KIF6: variants seen among roughly 807,000 people sequenced by gnomAD.
The protein encoded by KIF6 is kinesin-like protein KIF6.
A neutral mutation model predicts 112.7 loss-of-function variants in KIF6; 106 were observed. The ratio of observed to expected loss-of-function variants is 0.94; its 90% CI spans 0.80 to 1.11. KIF6 has a LOEUF of 1.11. KIF6 is among the 50% of genes least tolerant of loss of function. The pLI, the probability that KIF6 is intolerant of heterozygous loss-of-function variation, is 0.00. For missense variants in KIF6, 929 were observed against 964.0 expected, an observed-to-expected ratio of 0.96 and a Z score of 0.48; for synonymous variants, 339 against 339.9, an observed-to-expected ratio of 1.00 and a Z score of 0.03.
At chr6:39,484,244 A>G (rs536716096) in intron 13 of KIF6, among the ~76,000 whole-genome samples, 2 of 152,332 alleles carry the variant, frequency 1.3e-5, no homozygotes, top group South Asian at 4.1e-4. Flanking sequence ...CAGATGCTTA[A>G]TTAACAAATT....
chr6:39,559,092 T>C lies in KIF6; in HGVS notation c.1182-13404A>G, dbSNP rs537660308. The stretch of plus-strand genomic sequence containing the variant: ...TACCAAAGTGGAGAAATTTCATCTA[T>C]AGTGAATTATATTTCATGAATGATT... On this transcript the variant is annotated intron_variant, in intron 10 of 22. Transcript: ENST00000287152. 2.6e-5 allele frequency among the ~76,000 whole-genome samples: 4 copies of C among 152,300 alleles called. No homozygotes were observed. In the East Asian group the frequency reaches 7.7e-4, roughly 29 times the overall value.
At chr6:39,669,856 T>C (rs1011398013) in intron 3 of KIF6, among the ~76,000 whole-genome samples, 2 of 152,204 alleles carry the variant, frequency 1.3e-5, no homozygotes, top group Non-Finnish European at 2.9e-5. Context: ...GACTCCAGCA[T>C]ACGCAGACTT....
chr6:39,568,809 C>G (rs1404951034), intron 10 of KIF6, among the ~76,000 whole-genome samples: 4 of 152,264 alleles, frequency 2.6e-5, no homozygotes, highest in Non-Finnish European at 1.5e-5. Context: ...CGTCAGCCTC[C>G]CAAAGTGCTG....
intron 10 of KIF6, among the ~76,000 whole-genome samples, chr6:39,558,957 T>A (rs949538230): frequency 2.0e-5 from 3 of 152,160 alleles, no homozygotes; most frequent in Admixed American, 6.5e-5. Context: ...TCTTAAGAAC[T>A]CAAATGCTTC....
At chr6:39,651,423 G>C (rs1471364583) in intron 3 of KIF6, among the ~76,000 whole-genome samples, 1 of 152,190 alleles carries the variant, frequency 6.6e-6, no homozygotes, top group Non-Finnish European at 1.5e-5. Context: ...GAGGGTAGCA[G>C]GTGGCTGCCG....
intron 13 of KIF6, among the ~76,000 whole-genome samples, chr6:39,476,898 A>G (rs1045987305): frequency 2.0e-5 from 3 of 152,218 alleles, no homozygotes; most frequent in Non-Finnish European, 2.9e-5. Context: ...GAAGGATCAC[A>G]TATAATTTAA....
chr6:39,552,392 T>C (rs1474208230), intron 10 of KIF6, among the ~76,000 whole-genome samples: 2 of 152,236 alleles, frequency 1.3e-5, no homozygotes, highest in Admixed American at 6.5e-5. Flanking sequence ...ATATATTTTG[T>C]TATTCATCTG....
At chr6:39,374,724 G>A (rs544245885) in intron 16 of KIF6, among the ~76,000 whole-genome samples, 1 of 152,242 alleles carries the variant, frequency 6.6e-6, no homozygotes, top group East Asian at 1.9e-4. Flanking sequence ...TGAAAGATAA[G>A]TGTTGGTGAG....
chr6:39,395,822 G>C (rs753759558), intron 15 of KIF6, among the ~76,000 whole-genome samples: 1 of 152,178 alleles, frequency 6.6e-6, no homozygotes, highest in African/African-American at 2.4e-5. Flanking sequence ...GGGAGGTAGA[G>C]GGCAGGTTCA....
rs540162387 is a variant in KIF6 at position 39,351,921 on chromosome 6, G to C, written c.2180+5356C>G. Among the ~76,000 whole-genome samples the C allele has an allele frequency of 1.6e-4, 25 of 152,318 alleles. No homozygotes were observed. In the East Asian group the frequency reaches 4.6e-3, roughly 28 times the overall value. On this transcript the variant is annotated intron_variant, in intron 19 of 22. Coordinates refer to ENST00000287152, the MANE Select transcript of KIF6 (RefSeq NM_145027.6). ...CTGTGTGGAGTCCTGGAGTTTCAGC[G>C]AGAGGGCTCCGTGTGTGGAAGGTGC...
chr6:39,360,436 C>G lies in KIF6; in HGVS notation c.2041G>C (p.Glu681Gln). 6.2e-7 allele frequency: 1 copy of G among 1,614,256 alleles called. No homozygotes were observed. Among genetic ancestry groups the G allele is most frequent in the Non-Finnish European group, 8.5e-7 (1 of 1,180,056 alleles). The change falls in exon 18 of 23, where the codon GAG becomes CAG. Residue 681 changes from glutamate (E) to glutamine (Q), a missense_variant. Glu to Gln is a conservative substitution (Grantham distance 29, BLOSUM62 2). Coordinates refer to ENST00000287152, the MANE Select transcript of KIF6 (RefSeq NM_145027.6). ...TCCTCTGCCCACCAGACTTCAAACT[C>G]TTTCTGTAGCTTCACCTTGGCTTTG... ...MDKAKVKLQK[E>Q]FEVWWAEEAT...
chr6:39,682,954 G>T (rs1175563538), intron 3 of KIF6, among the ~76,000 whole-genome samples: 6 of 152,214 alleles, frequency 3.9e-5, no homozygotes, highest in African/African-American at 1.4e-4. Flanking sequence ...AGATCTAAGC[G>T]ATAAGGAGGA....
At chr6:39,440,600 C>T (rs1033088459) in intron 13 of KIF6, among the ~76,000 whole-genome samples, 1 of 151,588 alleles carries the variant, frequency 6.6e-6, no homozygotes, top group Non-Finnish European at 1.5e-5. Context: ...GTTCATCGTC[C>T]CCTGTTGGTC....
chr6:39,458,056 G>C (rs1012121004), intron 13 of KIF6, among the ~76,000 whole-genome samples: 2 of 151,910 alleles, frequency 1.3e-5, no homozygotes, highest in Non-Finnish European at 2.9e-5. Context: ...AAGCTGGGCA[G>C]AGACACAACC....
At chr6:39,698,294 C>T (rs1417490591) in intron 3 of KIF6, among the ~76,000 whole-genome samples, 7 of 152,086 alleles carry the variant, frequency 4.6e-5, no homozygotes, top group African/African-American at 1.7e-4. Context: ...AGAAGCAATT[C>T]CATTTTTTAA....
intron 3 of KIF6, among the ~76,000 whole-genome samples, chr6:39,681,450 G>C (rs1191127801): frequency 6.6e-6 from 1 of 152,012 alleles, no homozygotes. Context: ...AAAAGTAGGA[G>C]AGAATACTAT....
chr6:39,579,525 T>C (rs1343487233), intron 9 of KIF6, among the ~76,000 whole-genome samples: 2 of 152,156 alleles, frequency 1.3e-5, no homozygotes, highest in Non-Finnish European at 2.9e-5. Flanking sequence ...ATCTCTGTCA[T>C]GTTTTTCACT....
chr6:39,721,403 C>T (rs185986544), intron 1 of KIF6, among the ~76,000 whole-genome samples: 1 of 152,128 alleles, frequency 6.6e-6, no homozygotes, highest in Non-Finnish European at 1.5e-5. Context: ...TCCAACTCAG[C>T]CACTAATTAG....
At chr6:39,678,027 TGC>T (rs1561921931) in intron 3 of KIF6, among the ~76,000 whole-genome samples, 1 of 152,040 alleles carries the variant, frequency 6.6e-6, no homozygotes, top group Non-Finnish European at 1.5e-5. Flanking sequence ...GCATGATTTA[TGC>T]AGCCAAAAAA....
Sources: gnomAD v4.1 joint callset for allele counts (sites outside exome capture counted in the v4.1 genomes callset) on GRCh38, gnomAD v4.1.1 for gene constraint, MANE v1.5 for transcripts, NCBI Gene and HGNC (gene_info 2026-07-23, HGNC 2026-07-21) for gene names.